Variants in SYT16 observed in about 807,000 individuals in gnomAD.
The protein encoded by SYT16 is synaptotagmin-16.
SYT16 carries 42 observed loss-of-function variants against 61.4 expected under a neutral mutation model. The ratio of observed to expected loss-of-function variants is 0.68; its 90% CI spans 0.53 to 0.89. The LOEUF is 0.89. Among genes scored for constraint, SYT16 ranks in the 40% least tolerant of loss-of-function variants. SYT16 has a pLI of 0.00. For missense variants in SYT16, 804 were observed against 807.3 expected (o/e 1.00, Z 0.05); for synonymous variants, 314 against 302.3 (o/e 1.04, Z -0.40).
intron 3 of SYT16, among the ~76,000 whole-genome samples, chr14:62,052,029 C>G (rs1249354622): frequency 6.6e-6 from 1 of 152,094 alleles, no homozygotes; most frequent in South Asian, 2.1e-4. Flanking sequence ...TCTTTATCGT[C>G]TCTGATTTTG....
At chr14:62,061,497 TAAG>T (rs929951492) in intron 3 of SYT16, among the ~76,000 whole-genome samples, 1 of 152,098 alleles carries the variant, frequency 6.6e-6, no homozygotes, top group African/African-American at 2.4e-5. Flanking sequence ...ATTATAGCTA[TAAG>T]AAGCATACAT....
At chr14:61,866,811 C>T (rs2047170651) in intron 1 of SYT16, among the ~76,000 whole-genome samples, 1 of 151,990 alleles carries the variant, frequency 6.6e-6, no homozygotes, top group Non-Finnish European at 1.5e-5. Context: ...CTTCTGTGTT[C>T]TACAGAAGAA....
upstream of SYT16, among the ~76,000 whole-genome samples, chr14:61,812,539 T>A (rs1594662719): frequency 6.7e-6 from 1 of 149,570 alleles, no homozygotes; most frequent in African/African-American, 2.5e-5. Context: ...GAGGGGGAGA[T>A]CCAGCCTCTA....
At chr14:61,989,287 C>T (rs946429697) in intron 2 of SYT16, among the ~76,000 whole-genome samples, 1 of 152,134 alleles carries the variant, frequency 6.6e-6, no homozygotes, top group Non-Finnish European at 1.5e-5. Flanking sequence ...GTTATAGCTG[C>T]TTTAAAAACA....
chr14:61,955,606 C>T (rs1566713969), intron 1 of SYT16, among the ~76,000 whole-genome samples: 1 of 151,952 alleles, frequency 6.6e-6, no homozygotes, highest in African/African-American at 2.4e-5. Flanking sequence ...TTCATGTTGT[C>T]ACAAATGGCA....
intron 5 of SYT16, among the ~76,000 whole-genome samples, chr14:62,078,151 C>CTATATATATATATA (rs1427469359): frequency 6.6e-5 from 7 of 106,354 alleles, no homozygotes; most frequent in African/African-American, 3.0e-4. Context: ...CTCTCTCTCT[C>CTATATATATATATA]TCTCTATATA....
At chr14:61,948,931 A>G (rs1410310935) in intron 1 of SYT16, among the ~76,000 whole-genome samples, 3 of 152,112 alleles carry the variant, frequency 2.0e-5, no homozygotes, top group African/African-American at 4.8e-5. Context: ...CTCTTCCCAG[A>G]GGTTTGGGTC....
At chr14:61,896,644 G>A (rs1398376852) in intron 1 of SYT16, among the ~76,000 whole-genome samples, 1 of 152,046 alleles carries the variant, frequency 6.6e-6, no homozygotes, top group Non-Finnish European at 1.5e-5. Flanking sequence ...AGAGGTTTTT[G>A]GACTGAATAC....
intron 1 of SYT16, among the ~76,000 whole-genome samples, chr14:61,864,666 T>C (rs1453980957): frequency 6.6e-6 from 1 of 152,228 alleles, no homozygotes; most frequent in Non-Finnish European, 1.5e-5. Flanking sequence ...TCAGGCCCTT[T>C]TATGCCGGTC....
intron 1 of SYT16, among the ~76,000 whole-genome samples, chr14:61,943,728 A>G (rs2050305691): frequency 6.6e-6 from 1 of 152,170 alleles, no homozygotes; most frequent in African/African-American, 2.4e-5. Flanking sequence ...TGATGGAATG[A>G]ATCTCAAAAT....
intron 1 of SYT16, among the ~76,000 whole-genome samples, chr14:61,877,211 C>T (rs2047530621): frequency 6.6e-6 from 1 of 152,084 alleles, no homozygotes; most frequent in African/African-American, 2.4e-5. Flanking sequence ...TGGTGGAGTG[C>T]AGTACTCCGC....
intron 1 of SYT16, among the ~76,000 whole-genome samples, chr14:61,824,374 A>T (rs964718335): frequency 1.3e-5 from 2 of 151,958 alleles, no homozygotes; most frequent in Non-Finnish European, 2.9e-5. Flanking sequence ...TATTTTTGAG[A>T]TAGAGTCTCA....
chr14:62,053,390 G>A (rs2055398818), intron 3 of SYT16, among the ~76,000 whole-genome samples: 1 of 152,144 alleles, frequency 6.6e-6, no homozygotes, highest in Non-Finnish European at 1.5e-5. Flanking sequence ...GGTTCCCCTG[G>A]TTCTCAGACC....
intron 1 of SYT16, among the ~76,000 whole-genome samples, chr14:61,921,112 C>T (rs1340817722): frequency 6.6e-6 from 1 of 152,204 alleles, no homozygotes; most frequent in Non-Finnish European, 1.5e-5. Context: ...TCTTGCCTCC[C>T]TTTGGAGAAT....
intron 1 of SYT16, among the ~76,000 whole-genome samples, chr14:61,957,062 A>G (rs1362982013): frequency 6.6e-6 from 1 of 151,602 alleles, no homozygotes. Context: ...ATTCTTTTTG[A>G]TATTGTAAGT....
chr14:62,012,615 AC>A (rs1192953027), intron 3 of SYT16, among the ~76,000 whole-genome samples: 2 of 152,158 alleles, frequency 1.3e-5, no homozygotes, highest in Non-Finnish European at 2.9e-5. Context: ...GCATCTTCTT[AC>A]CACAGGATTC....
chr14:61,915,806 CCCAT>C (rs1566677291), intron 1 of SYT16, among the ~76,000 whole-genome samples: 1 of 152,228 alleles, frequency 6.6e-6, no homozygotes, highest in Non-Finnish European at 1.5e-5. Context: ...TGCTGAAGAA[CCCAT>C]TTGAAGGTTG....
chr14:62,051,003 G>T (rs925861227), intron 3 of SYT16, among the ~76,000 whole-genome samples: 3 of 152,222 alleles, frequency 2.0e-5, no homozygotes, highest in Non-Finnish European at 4.4e-5. Flanking sequence ...AAAACTGTCA[G>T]ACAGGGACAT....
chr14:61,847,767 C>T (rs2046487093), intron 1 of SYT16, among the ~76,000 whole-genome samples: 1 of 152,080 alleles, frequency 6.6e-6, no homozygotes, highest in African/African-American at 2.4e-5. Flanking sequence ...TTTATCTCCT[C>T]TTACTGTATT....
Sources: allele counts gnomAD v4.1 joint callset (sites outside exome capture counted in the v4.1 genomes callset), GRCh38; gene constraint gnomAD v4.1.1; transcripts MANE v1.5; gene names NCBI Gene and HGNC (gene_info 2026-07-23, HGNC 2026-07-21).